The following SLC25A17 variants were observed in gnomAD, a reference collection of about 807,000 sequenced individuals.
The protein encoded by SLC25A17 is solute carrier family 25 member 17, also known as peroxisomal membrane protein PMP34.
A neutral mutation model predicts 38.5 loss-of-function variants in SLC25A17; 26 were observed. The ratio of observed to expected loss-of-function variants is 0.68; its 90% CI spans 0.50 to 0.94. The LOEUF (loss-of-function observed/expected upper bound fraction) is 0.94, where lower values mean the gene tolerates loss of function less well. SLC25A17 is among the 40% of genes least tolerant of loss of function. The pLI is 0.00. For missense variants in SLC25A17, 333 were observed against 372.7 expected (o/e 0.89, Z 0.88); for synonymous variants, 139 against 136.2 (o/e 1.02, Z -0.14).
intron 4 of SLC25A17, among the ~76,000 whole-genome samples, chr22:40,782,435 T>C (rs2057303586): frequency 6.6e-6 from 1 of 152,210 alleles, no homozygotes; most frequent in South Asian, 2.1e-4. Context: ...AATTAAGAGA[T>C]GAATAACAGT....
At chr22:40,814,671 T>A (rs1418336234) in intron 1 of SLC25A17, among the ~76,000 whole-genome samples, 1 of 151,502 alleles carries the variant, frequency 6.6e-6, no homozygotes, top group Non-Finnish European at 1.5e-5. Context: ...CAATAGTAGA[T>A]TAAGCTGTTA....
chr22:40,779,412 CCATT>C (rs2057276381), intron 4 of SLC25A17: 2 of 687,440 alleles, frequency 2.9e-6, no homozygotes, highest in Non-Finnish European at 4.6e-6. Context: ...AATTTATATA[CCATT>C]CAAAGTAGCA....
At chr22:40,775,778 T>C (rs1322697915) in intron 7 of SLC25A17, among the ~76,000 whole-genome samples, 3 of 152,220 alleles carry the variant, frequency 2.0e-5, no homozygotes, top group Non-Finnish European at 4.4e-5. Context: ...GATGGTTTTA[T>C]AGGAGGAGTT....
In SLC25A17 at chr22:40,794,574, T is replaced by G; in HGVS notation, c.122A>C (p.Glu41Ala). 6.2e-7 allele frequency: 1 copy of G among 1,607,784 alleles called. No individual in the cohort carries two copies. Among genetic ancestry groups the G allele is most frequent in the Non-Finnish European group, 8.5e-7 (1 of 1,174,626 alleles). The change falls in exon 3 of 9, where the codon GAG (glutamate) becomes GCG (alanine). Residue 41 changes from glutamate (E) to alanine (A), a missense_variant. Glu to Ala is a moderately radical substitution (Grantham distance 107, BLOSUM62 -1). Transcript: ENST00000435456. ...DTARLRLQVD[E>A]KRKSKTTHMV... ...GTGTGTAGTTTTGGATTTTCTTTTC[T>G]CATCAACTACAAGACCAAACAGTGC...
In SLC25A17 at chr22:40,777,226, A is replaced by G; in HGVS notation, c.597+2T>C. The G allele has an allele frequency of 6.2e-7, 1 of 1,613,850 alleles. No homozygotes were observed. Among genetic ancestry groups the G allele is most frequent in the Non-Finnish European group, 8.5e-7 (1 of 1,179,730 alleles). On this transcript the variant is annotated splice_donor_variant, in intron 6 of 8. Transcript: ENST00000435456. LOFTEE classifies it high-confidence loss of function. ...TTTACTGCTTTCAAAATCAAGGATT[A>G]CCTTCATCCGTTTCTTTAAAAGCTG...
chr22:40,772,029 AAC>A (rs1219217301), intron 8 of SLC25A17, among the ~76,000 whole-genome samples: 114 of 151,804 alleles, frequency 7.5e-4, no homozygotes, highest in African/African-American at 2.6e-3. Flanking sequence ...AAAAAAAAAA[AAC>A]AAAGCCATTA....
At chr22:40,815,262 T>C (rs2057627638) in intron 1 of SLC25A17, among the ~76,000 whole-genome samples, 1 of 152,198 alleles carries the variant, frequency 6.6e-6, no homozygotes, top group South Asian at 2.1e-4. Context: ...AAGCAGATAC[T>C]AGGTTAAAGC....
intron 1 of SLC25A17, among the ~76,000 whole-genome samples, chr22:40,817,051 A>C (rs1284690146): frequency 6.6e-6 from 1 of 152,214 alleles, no homozygotes; most frequent in Non-Finnish European, 1.5e-5. Context: ...CATTTATTGC[A>C]AGAAGGAAGA....
At chr22:40,773,660 G>A (rs2057210764) in intron 8 of SLC25A17, among the ~76,000 whole-genome samples, 1 of 152,204 alleles carries the variant, frequency 6.6e-6, no homozygotes, top group Admixed American at 6.5e-5. Flanking sequence ...AGCACACTCA[G>A]GGTGACTGAA....
intron 5 of SLC25A17, among the ~76,000 whole-genome samples, chr22:40,778,449 T>C (rs1382932492): frequency 6.6e-6 from 1 of 150,836 alleles, no homozygotes; most frequent in African/African-American, 2.5e-5. Context: ...CCATGTGAAC[T>C]GAGACTGTCA....
intron 1 of SLC25A17, 102 bp downstream of exon 1, chr22:40,819,093 A>G: frequency 6.3e-6 from 8 of 1,278,318 alleles, no homozygotes; most frequent in Non-Finnish European, 8.9e-6. Flanking sequence ...ACCCCAACCC[A>G]CACTACCTCC....
chr22:40,794,173 T>C (rs2057407295), intron 3 of SLC25A17, among the ~76,000 whole-genome samples: 1 of 152,210 alleles, frequency 6.6e-6, no homozygotes, highest in Non-Finnish European at 1.5e-5. Flanking sequence ...AAGAAGTACA[T>C]AATCTGTCTT....
rs576844090 is a variant in SLC25A17, at chr22:40,785,353, C to T, written c.335-6228G>A. Among the ~76,000 whole-genome samples the T allele has an allele frequency of 2.0e-5, 3 of 152,336 alleles. No homozygotes were observed. The South Asian group carries it at 6.2e-4, about 32-fold the overall frequency. The stretch of plus-strand genomic sequence containing the variant: ...GAGCGGAGATCGCGCCACTGCACTC[C>T]AGCCCGGGTGACAGAGTGAGACTCC... On this transcript the variant is annotated intron_variant, in intron 4 of 8. Transcript: ENST00000435456.
chr22:40,807,282 C>A (rs562771544), intron 1 of SLC25A17, among the ~76,000 whole-genome samples: 1 of 152,164 alleles, frequency 6.6e-6, no homozygotes, highest in African/African-American at 2.4e-5. Flanking sequence ...CCCAGTGAAG[C>A]AGGCACTATC....
chr22:40,779,308 G>A, intron 4 of SLC25A17, 183 bp from the exon 5 acceptor site: 1 of 1,442,556 alleles, frequency 6.9e-7, no homozygotes, highest in Non-Finnish European at 9.1e-7. Flanking sequence ...AAGCGATTTG[G>A]AAGCTTTGCT....
At chr22:40,805,069 C>G (rs2057517810) in intron 1 of SLC25A17, among the ~76,000 whole-genome samples, 1 of 152,254 alleles carries the variant, frequency 6.6e-6, no homozygotes, top group South Asian at 2.1e-4. Context: ...GGAGCAGTGG[C>G]TCACGCCTGT....
At position 40,773,990 on chromosome 22, in the gene SLC25A17, G is replaced by A. The variant is rs148233835; in HGVS notation, c.723C>T (p.Asn241=). The change falls in exon 8 of 9, where the codon AAC becomes AAT. Residue 241 remains asparagine, a synonymous_variant. Coordinates refer to ENST00000435456, the MANE Select transcript of SLC25A17 (RefSeq NM_006358.4). ...RFGRHRLNPE[N]RTLGSLRNIL... is the part of the protein sequence containing the mutation. ...TATTCCGAAGACTTCCCAATGTTCT[G>A]TTTTCTGGGTTTAGTCTATGACGCC... is the stretch of plus-strand genomic sequence containing the variant. 6.3e-5 allele frequency: 102 copies of A among 1,612,802 alleles called. No individual in the cohort carries two copies. In the African/African-American group the frequency reaches 1.3e-3, roughly 21 times the overall value.
In SLC25A17 at chr22:40,799,053, G is replaced by GAA. The variant is rs770382923; in HGVS notation, c.83_84dup (p.Pro29PhefsTer44). ...AGTCGAAGTCTAGCTGTATCCAGGG[G>GAA]AAAAAACACTGTCATTGCTGTCACG... On this transcript the variant is annotated frameshift_variant, in exon 2 of 9. Coordinates refer to ENST00000435456, the MANE Select transcript of SLC25A17 (RefSeq NM_006358.4). LOFTEE classifies it high-confidence loss of function. The GAA allele has an allele frequency of 6.2e-7, 1 of 1,613,404 alleles. No homozygotes were observed.
At chr22:40,806,223 C>T (rs9611417) in intron 1 of SLC25A17, among the ~76,000 whole-genome samples, 1 of 152,132 alleles carries the variant, frequency 6.6e-6, no homozygotes, top group Non-Finnish European at 1.5e-5. Context: ...AAACTAAAAG[C>T]TGACCAGTTT....
Sources: allele counts gnomAD v4.1 joint callset (sites outside exome capture counted in the v4.1 genomes callset), GRCh38; gene constraint gnomAD v4.1.1; transcripts MANE v1.5; gene names NCBI Gene and HGNC (gene_info 2026-07-23, HGNC 2026-07-21).